The following TRIP12 variants were observed in gnomAD, a reference collection of about 807,000 sequenced individuals.
TRIP12 encodes E3 ubiquitin-protein ligase TRIP12.
A neutral mutation model predicts 244.2 loss-of-function variants in TRIP12; 25 were observed. That is an observed-to-expected ratio of 0.10 (90% CI 0.07 to 0.14). The LOEUF (loss-of-function observed/expected upper bound fraction) is 0.14. TRIP12 is among the 10% of genes least tolerant of loss of function. The pLI is 1.00. For missense variants in TRIP12, 1,677 were observed against 2,486.4 expected, an observed-to-expected ratio of 0.67 and a Z score of 6.92; for synonymous variants, 905 against 873.1, an observed-to-expected ratio of 1.04 and a Z score of -0.64.
intron 1 of TRIP12, among the ~76,000 whole-genome samples, chr2:229,898,740 G>A (rs952120277): frequency 1.3e-5 from 2 of 152,062 alleles, no homozygotes; most frequent in African/African-American, 4.8e-5. Context: ...CACCAAGGCT[G>A]GAGTGCAGTA....
At position 229,859,208 on chromosome 2, in the gene TRIP12, A is replaced by G; in HGVS notation, c.591T>C (p.Ser197=). The G allele has an allele frequency of 1.2e-6, 2 of 1,614,166 alleles. No individual in the cohort carries two copies. The highest frequency in any genetic ancestry group is 2.2e-5 in the East Asian group (1 of 44,890). Residue 197 remains serine (S), a synonymous_variant, in exon 4 of 42, where the codon TCT becomes TCC. Coordinates refer to ENST00000675903, the MANE Select transcript of TRIP12 (RefSeq NM_001348323.3). ...CAGACCCGGAGCCACTCTTTACACAAGAACTCTCTGTCCTTTTTCTTTTCT... is the reference window on the plus strand; with the variant it reads ...CAGACCCGGAGCCACTCTTTACACAGGAACTCTCTGTCCTTTTTCTTTTCT... ...RSQKRKRTES[S]CVKSGSGSES...
intron 36 of TRIP12, 55 bp from the exon 37 acceptor site, chr2:229,777,534 C>T (rs2036651938): frequency 1.3e-6 from 2 of 1,582,488 alleles, no homozygotes; most frequent in Non-Finnish European, 1.7e-6. Flanking sequence ...CCAGCATTAC[C>T]TCCATCTAAG....
At chr2:229,888,746 C>A (rs1050683993) in intron 1 of TRIP12, among the ~76,000 whole-genome samples, 1 of 151,756 alleles carries the variant, frequency 6.6e-6, no homozygotes, top group African/African-American at 2.4e-5. Flanking sequence ...GAGGTTGCAG[C>A]GAGCCAAGAT....
At chr2:229,914,763 T>C (rs1169547586) in intron 1 of TRIP12, among the ~76,000 whole-genome samples, 1 of 152,156 alleles carries the variant, frequency 6.6e-6, no homozygotes, top group Non-Finnish European at 1.5e-5. Flanking sequence ...AAATACACAC[T>C]GAAATGCTGT....
At chr2:229,822,665 G>A (rs1266367774) in intron 8 of TRIP12, among the ~76,000 whole-genome samples, 2 of 152,098 alleles carry the variant, frequency 1.3e-5, no homozygotes, top group African/African-American at 2.4e-5. Flanking sequence ...TATACAAAAC[G>A]TCTGTCACAT....
chr2:229,922,504 G>T (rs767828636), upstream of TRIP12: 3 of 1,613,934 alleles, frequency 1.9e-6, no homozygotes, highest in Non-Finnish European at 1.7e-6. Flanking sequence ...GACGGCGGTG[G>T]CGTCCCAAGA....
intron 6 of TRIP12, chr2:229,831,076 A>G (rs2053217660): frequency 1.4e-6 from 1 of 701,756 alleles, no homozygotes; most frequent in Admixed American, 2.2e-5. Context: ...TTTTTCATTT[A>G]TATGTGGCTT....
chr2:229,785,669 C>T, intron 34 of TRIP12, 88 bp downstream of exon 34: 1 of 1,236,072 alleles, frequency 8.1e-7, no homozygotes, highest in East Asian at 2.4e-5. Context: ...AACTGTCTTT[C>T]AGAATTTCAT....
In TRIP12 at chr2:229,848,490, A is replaced by G. The variant is rs188274655; in HGVS notation, c.1028-7563T>C. Among the ~76,000 whole-genome samples, 346 of 152,258 alleles carry G rather than the reference A, an allele frequency of 2.3e-3. 3 individuals are homozygous for G. The highest frequency in any genetic ancestry group is 3.5e-3 in the South Asian group (17 of 4,808). On this transcript the variant is annotated intron_variant, in intron 4 of 41. Transcript: ENST00000675903. The stretch of plus-strand genomic sequence containing the variant: ...AATAAAACATGGCAAACATGGGGGA[A>G]AAAAAGCATTTCAAGAGAAAAGTTG...
At chr2:229,806,000 TG>T in intron 17 of TRIP12, 117 bp from the exon 18 acceptor site, 1 of 811,292 alleles carries the variant, frequency 1.2e-6, no homozygotes, top group Non-Finnish European at 1.8e-6. Flanking sequence ...AGGTTTTAGA[TG>T]GTGAAGTTAA....
chr2:229,903,787 A>G (rs964482620), intron 1 of TRIP12, among the ~76,000 whole-genome samples: 1 of 151,596 alleles, frequency 6.6e-6, no homozygotes, highest in Non-Finnish European at 1.5e-5. Flanking sequence ...ATGCCAAAGC[A>G]GACAGATCAC....
At chr2:229,826,735 A>G (rs2051726278) in intron 8 of TRIP12, among the ~76,000 whole-genome samples, 1 of 152,182 alleles carries the variant, frequency 6.6e-6, no homozygotes, top group African/African-American at 2.4e-5. Flanking sequence ...TACTATAGGC[A>G]GTTGTAATGC....
intron 39 of TRIP12, 104 bp from the exon 40 acceptor site, chr2:229,769,429 C>A: frequency 7.1e-6 from 5 of 703,476 alleles, no homozygotes; most frequent in Non-Finnish European, 1.1e-5. Flanking sequence ...AGTCTCAGTA[C>A]TAAAACCTTC....
At chr2:229,786,013 T>C (rs1193332600) in intron 33 of TRIP12, among the ~76,000 whole-genome samples, 158 bp from the exon 34 acceptor site, 1 of 152,218 alleles carries the variant, frequency 6.6e-6, no homozygotes, top group Non-Finnish European at 1.5e-5. Flanking sequence ...GAGGTAGCTG[T>C]ATTGCTACAA....
intron 8 of TRIP12, among the ~76,000 whole-genome samples, chr2:229,827,139 A>T (rs1458419635): frequency 6.6e-6 from 1 of 151,830 alleles, no homozygotes; most frequent in Non-Finnish European, 1.5e-5. Context: ...AATTAGCCAG[A>T]CGTGGTGGCA....
intron 34 of TRIP12, among the ~76,000 whole-genome samples, chr2:229,782,852 T>C (rs576503208): frequency 2.6e-5 from 4 of 152,254 alleles, no homozygotes; most frequent in Admixed American, 2.6e-4. Context: ...TACCTACATT[T>C]TACAGATAAG....
intron 4 of TRIP12, among the ~76,000 whole-genome samples, chr2:229,847,409 C>A (rs1196171295): frequency 6.6e-6 from 1 of 152,178 alleles, no homozygotes. Context: ...ATATGCCTAG[C>A]GAAGTGTCTC....
At chr2:229,837,041 T>TACAC in intron 5 of TRIP12, 57 bp from the exon 6 acceptor site, 1 of 1,407,614 alleles carries the variant, frequency 7.1e-7, no homozygotes, top group Non-Finnish European at 9.2e-7. Flanking sequence ...GAGCAATGTA[T>TACAC]ACACAACACA....
At chr2:229,811,235 A>G in intron 13 of TRIP12, 31 bp from the exon 14 acceptor site, 1 of 1,592,578 alleles carries the variant, frequency 6.3e-7, no homozygotes, top group South Asian at 1.1e-5. Flanking sequence ...AATAAAATTT[A>G]TTAGCATAAA....
Sources: allele counts gnomAD v4.1 joint callset (sites outside exome capture counted in the v4.1 genomes callset), GRCh38; gene constraint gnomAD v4.1.1; transcripts MANE v1.5; gene names NCBI Gene and HGNC (gene_info 2026-07-23, HGNC 2026-07-21).